FRMD4A: variants seen among roughly 807,000 people sequenced by gnomAD.
The protein encoded by FRMD4A is FERM domain-containing protein 4A.
FRMD4A carries 29 observed loss-of-function variants against 129.1 expected under a neutral mutation model. That is an observed-to-expected ratio of 0.22 (90% CI 0.17 to 0.31). The LOEUF (loss-of-function observed/expected upper bound fraction) is 0.31. Ranked by LOEUF, FRMD4A falls within the 10% of genes least tolerant of loss-of-function variation. FRMD4A has a pLI of 1.00. For missense variants in FRMD4A, 1,272 were observed against 1,375.8 expected (o/e 0.92, Z 1.19); for synonymous variants, 634 against 571.6 (o/e 1.11, Z -1.56).
intron 14 of FRMD4A, among the ~76,000 whole-genome samples, chr10:13,697,372 C>A (rs999251160): frequency 3.9e-5 from 6 of 152,050 alleles, no homozygotes; most frequent in African/African-American, 1.4e-4. Context: ...GGTGTCAAAC[C>A]CCTGATCTTA....
chr10:14,012,931 T>C lies in FRMD4A; in HGVS notation c.46-154019A>G, dbSNP rs572630727. Among the ~76,000 whole-genome samples, 10 of 152,262 alleles carry C rather than the reference T, an allele frequency of 6.6e-5. No homozygotes were observed. The South Asian group carries it at 2.1e-3, about 32-fold the overall frequency. ...GCTTTATTTTGTTCATTTGGCAGAA[T>C]ACTGAAAGGACAGGCCACAGGACAG... is the stretch of plus-strand genomic sequence containing the variant. On this transcript the variant is annotated intron_variant, in intron 2 of 24. Transcript: ENST00000357447.
chr10:14,285,698 T>C (rs943691849), intron 2 of FRMD4A, among the ~76,000 whole-genome samples: 4 of 152,234 alleles, frequency 2.6e-5, no homozygotes, highest in African/African-American at 9.6e-5. Flanking sequence ...TAAGTACTTA[T>C]TGTAGGGCTG....
chr10:13,891,824 G>A lies in FRMD4A; in HGVS notation c.46-32912C>T, dbSNP rs1302388642. On this transcript the variant is annotated intron_variant, in intron 2 of 24. Transcript: ENST00000357447. The stretch of plus-strand genomic sequence containing the variant: ...CGGCGTCAGCCCATAGCCCGCTCGC[G>A]CCTCTCGCGCCGAGCCTGGCCCGGC... 6.3e-6 allele frequency: 5 copies of A among 799,316 alleles called. No individual in the cohort carries two copies. The African/African-American group carries it at 7.7e-5, about 12-fold the overall frequency. The allele number at this position is 799,316 out of a possible 1,614,324, so 49.5% of individuals were successfully genotyped here. A position where few individuals can be genotyped will look rare whatever the true frequency, so the allele number is the denominator to read the frequency against.
Position 13,769,209 on chromosome 10 carries a change from T to TTGTG in FRMD4A, c.385-6533_385-6530dup, listed in dbSNP as rs10558943. 8.2e-3 allele frequency among the ~76,000 whole-genome samples: 1,190 copies of TTGTG among 145,170 alleles called. 11 individuals are homozygous for TTGTG. Among genetic ancestry groups the TTGTG allele is most frequent in the African/African-American group, 0.027 (1,063 of 39,612 alleles). On this transcript the variant is annotated intron_variant, in intron 6 of 24. Coordinates refer to ENST00000357447, the MANE Select transcript of FRMD4A (RefSeq NM_018027.5). ...AAGATTTTGTTTTAAAAGAGATGGG[T>TTGTG]TGTGTGTGTGTGTGTGTGTGTGTGT...
chr10:13,717,728 GGTTGGCA>G (rs1266757788), intron 12 of FRMD4A, among the ~76,000 whole-genome samples: 2 of 147,532 alleles, frequency 1.4e-5, no homozygotes, highest in African/African-American at 5.1e-5. Flanking sequence ...TGGCGGGGGG[GGTTGGCA>G]GTTGGCATTT....
At chr10:14,326,829 C>A (rs879902181) in intron 2 of FRMD4A, 1 of 398,640 alleles carries the variant, frequency 2.5e-6, no homozygotes, top group Non-Finnish European at 4.4e-6. Flanking sequence ...AGCCTCCTCA[C>A]GGGTTGGTGA....
intron 2 of FRMD4A, among the ~76,000 whole-genome samples, chr10:14,101,013 CA>C (rs1249192584): frequency 6.6e-6 from 1 of 152,164 alleles, no homozygotes; most frequent in Non-Finnish European, 1.5e-5. Context: ...CCCCAAACTC[CA>C]GGGTTTCCCC....
chr10:14,125,576 G>C (rs1838785983), intron 2 of FRMD4A, among the ~76,000 whole-genome samples: 1 of 152,222 alleles, frequency 6.6e-6, no homozygotes, highest in Non-Finnish European at 1.5e-5. Context: ...TCTAAGGTTA[G>C]AATGCAACTT....
intron 2 of FRMD4A, among the ~76,000 whole-genome samples, chr10:14,049,728 G>A (rs1012241071): frequency 1.1e-4 from 16 of 152,196 alleles, no homozygotes; most frequent in East Asian, 3.9e-4. Flanking sequence ...GGTGGCGCTC[G>A]CCTAGAATCG....
In FRMD4A at chr10:13,644,403, A is replaced by G. The variant is rs545694276; in HGVS notation, c.*2635T>C. On this transcript the variant is annotated 3_prime_UTR_variant, in exon 25 of 25. Transcript: ENST00000357447. The stretch of plus-strand genomic sequence containing the variant: ...GTCAGTCTCAAAGGACTAACGTTTT[A>G]TGTACATTTTGTATTAACTGAACTC... The G allele has an allele frequency of 2.6e-4, 39 of 152,326 alleles. No individual in the cohort carries two copies. Among genetic ancestry groups the G allele is most frequent in the African/African-American group, 8.9e-4 (37 of 41,576 alleles). The allele number at this position is 152,326 out of a possible 1,614,324, so 9.4% of individuals were successfully genotyped here. A position where few individuals can be genotyped will look rare whatever the true frequency, so the allele number is the denominator to read the frequency against.
At chr10:14,001,932 T>C (rs894285487) in intron 2 of FRMD4A, among the ~76,000 whole-genome samples, 15 of 152,214 alleles carry the variant, frequency 9.9e-5, no homozygotes, top group Non-Finnish European at 2.2e-4. Context: ...CCTGCATGAA[T>C]ACATTCAGAA....
At chr10:13,732,156 C>G (rs1319657384) in intron 12 of FRMD4A, among the ~76,000 whole-genome samples, 1 of 152,108 alleles carries the variant, frequency 6.6e-6, no homozygotes, top group African/African-American at 2.4e-5. Context: ...TTACTCCAAC[C>G]CCCAAGAGCC....
chr10:13,840,609 T>C (rs1564891554), intron 3 of FRMD4A, among the ~76,000 whole-genome samples: 1 of 147,482 alleles, frequency 6.8e-6, no homozygotes, highest in Admixed American at 6.8e-5. Flanking sequence ...GCCAACATGG[T>C]GAAACCCCGT....
At position 13,711,712 on chromosome 10, in the gene FRMD4A, C is replaced by T. The variant is rs1359621269; in HGVS notation, c.760-4599G>A. ...TTTCTAGTGCACGTCACTTAAGCAT[C>T]TTTAAAAAGCCCTGCAAACATCGTT... On this transcript the variant is annotated intron_variant, in intron 12 of 24. Transcript: ENST00000357447. Among the ~76,000 whole-genome samples the T allele has an allele frequency of 3.9e-5, 6 of 152,364 alleles. No homozygotes were observed. In the East Asian group the frequency reaches 7.7e-4, roughly 20 times the overall value.
At chr10:14,034,646 C>A (rs1037999541) in intron 2 of FRMD4A, among the ~76,000 whole-genome samples, 1 of 152,166 alleles carries the variant, frequency 6.6e-6, no homozygotes, top group Non-Finnish European at 1.5e-5. Flanking sequence ...CACTTTACAA[C>A]CCTAATCAAT....
intron 2 of FRMD4A, among the ~76,000 whole-genome samples, chr10:14,159,583 C>A (rs932886556): frequency 6.6e-6 from 1 of 152,126 alleles, no homozygotes; most frequent in African/African-American, 2.4e-5. Flanking sequence ...TCAATTCAAT[C>A]CCTATCCAAA....
At chr10:13,975,781 A>G (rs2095540272) in intron 2 of FRMD4A, among the ~76,000 whole-genome samples, 1 of 152,056 alleles carries the variant, frequency 6.6e-6, no homozygotes, top group African/African-American at 2.4e-5. Flanking sequence ...ACACACCTTC[A>G]TCTTACAGAG....
chr10:14,316,671 C>T (rs1157516211), intron 2 of FRMD4A, among the ~76,000 whole-genome samples: 1 of 152,120 alleles, frequency 6.6e-6, no homozygotes, highest in Admixed American at 6.6e-5. Flanking sequence ...TCTTCTTTCC[C>T]CCAAGCTTGA....
intron 18 of FRMD4A, among the ~76,000 whole-genome samples, chr10:13,664,007 G>C (rs1239093389): frequency 6.6e-6 from 1 of 152,174 alleles, no homozygotes; most frequent in Non-Finnish European, 1.5e-5. Context: ...CTAAATACAG[G>C]CTCCATCTCT....
Sources: gnomAD v4.1 joint callset for allele counts (sites outside exome capture counted in the v4.1 genomes callset) on GRCh38, gnomAD v4.1.1 for gene constraint, MANE v1.5 for transcripts, NCBI Gene and HGNC (gene_info 2026-07-23, HGNC 2026-07-21) for gene names.